The following CSMD3 variants were observed in gnomAD, a reference collection of about 807,000 sequenced individuals.
CSMD3 encodes the protein CUB and sushi domain-containing protein 3.
CSMD3 carries 177 observed loss-of-function variants against 435.2 expected under a neutral mutation model. The ratio of observed to expected loss-of-function variants is 0.41; its 90% CI spans 0.36 to 0.46. The LOEUF (loss-of-function observed/expected upper bound fraction) is 0.46. Ranked by LOEUF, CSMD3 falls within the 20% of genes least tolerant of loss-of-function variation. The pLI is 0.34. For missense variants in CSMD3, 4,265 were observed against 4,504.6 expected (o/e 0.95, Z 1.52); for synonymous variants, 1,656 against 1,520.5 (o/e 1.09, Z -2.07).
chr8:113,071,400 C>A (rs958573069), intron 5 of CSMD3, among the ~76,000 whole-genome samples: 7 of 151,790 alleles, frequency 4.6e-5, no homozygotes, highest in African/African-American at 1.7e-4. Context: ...TTGCACATAT[C>A]GAAGTCAAGA....
intron 36 of CSMD3, among the ~76,000 whole-genome samples, chr8:112,386,310 A>T (rs1402079400): frequency 6.6e-6 from 1 of 152,190 alleles, no homozygotes; most frequent in African/African-American, 2.4e-5. Flanking sequence ...AGCCAGAGAG[A>T]TGTAATATAA....
intron 27 of CSMD3, among the ~76,000 whole-genome samples, chr8:112,523,215 G>A (rs1051613594): frequency 1.2e-4 from 18 of 151,968 alleles, no homozygotes; most frequent in Non-Finnish European, 1.3e-4. Context: ...TTAGTGTACC[G>A]TATTAAGAAA....
chr8:112,238,155 G>C (rs925343732), intron 66 of CSMD3, among the ~76,000 whole-genome samples: 1 of 151,906 alleles, frequency 6.6e-6, no homozygotes, highest in Non-Finnish European at 1.5e-5. Flanking sequence ...GAGAAGCTGA[G>C]GTATAGGATT....
chr8:112,232,164 G>A (rs551657988), intron 68 of CSMD3, among the ~76,000 whole-genome samples: 2 of 152,164 alleles, frequency 1.3e-5, no homozygotes, highest in East Asian at 1.9e-4. Flanking sequence ...AGCCACAAAA[G>A]GCCACATACT....
chr8:113,122,347 G>A (rs1588113870), intron 4 of CSMD3, among the ~76,000 whole-genome samples: 1 of 152,086 alleles, frequency 6.6e-6, no homozygotes, highest in East Asian at 1.9e-4. Flanking sequence ...GATAAATAGT[G>A]TGAACAATGT....
chr8:112,546,933 G>C (rs1827235197), intron 27 of CSMD3, among the ~76,000 whole-genome samples: 1 of 152,170 alleles, frequency 6.6e-6, no homozygotes, highest in South Asian at 2.1e-4. Context: ...AATTTACTTT[G>C]CACCAAGTTT....
chr8:113,383,299 C>T (rs533705533), intron 1 of CSMD3, among the ~76,000 whole-genome samples: 3 of 152,206 alleles, frequency 2.0e-5, no homozygotes, highest in African/African-American at 7.2e-5. Flanking sequence ...GTTACCTGTG[C>T]AAATCTGTGC....
chr8:113,234,963 T>A (rs1414363219), intron 3 of CSMD3, among the ~76,000 whole-genome samples: 1 of 152,094 alleles, frequency 6.6e-6, no homozygotes, highest in African/African-American at 2.4e-5. Context: ...GTGGTATTCA[T>A]CTGCTCTATG....
At chr8:112,477,387 A>G (rs1028174504) in intron 31 of CSMD3, among the ~76,000 whole-genome samples, 1 of 152,196 alleles carries the variant, frequency 6.6e-6, no homozygotes, top group Non-Finnish European at 1.5e-5. Context: ...CATGTCTAAT[A>G]CCAAGCCCAT....
In CSMD3 at chr8:112,829,666, A is replaced by G; in HGVS notation, c.1859+20T>C. 2 of 1,480,680 alleles carry G rather than the reference A, an allele frequency of 1.4e-6. No homozygotes were observed. Among genetic ancestry groups the G allele is most frequent in the Non-Finnish European group, 1.9e-6 (2 of 1,058,244 alleles). 91.7% of individuals were successfully genotyped at this position (1,480,680 alleles called of 1,614,324 possible). On this transcript the variant is annotated intron_variant, in intron 12 of 70. Transcript: ENST00000297405. ...TAGTACCCGATAGGCTAAGGCAAAA[A>G]TGAAACATTGGGAACTTACACTTGG...
At chr8:113,276,373 C>A (rs1468529241) in intron 3 of CSMD3, among the ~76,000 whole-genome samples, 1 of 151,966 alleles carries the variant, frequency 6.6e-6, no homozygotes, top group African/African-American at 2.4e-5. Context: ...CAGACAGATA[C>A]ATCAGAGGGG....
intron 4 of CSMD3, among the ~76,000 whole-genome samples, chr8:113,153,076 AAAAGAAAG>A (rs757748243): frequency 5.6e-5 from 5 of 89,182 alleles, no homozygotes; most frequent in Non-Finnish European, 9.9e-5. Flanking sequence ...AAAAGAAAGA[AAAAGAAAG>A]AAAGAAAGAA....
intron 35 of CSMD3, among the ~76,000 whole-genome samples, chr8:112,392,134 C>T (rs978301321): frequency 6.6e-6 from 1 of 151,976 alleles, no homozygotes. Flanking sequence ...ATTATATTTC[C>T]TTTTGCTACA....
chr8:112,298,367 A>G (rs1358056044), intron 53 of CSMD3, among the ~76,000 whole-genome samples: 1 of 152,148 alleles, frequency 6.6e-6, no homozygotes, highest in African/African-American at 2.4e-5. Context: ...AAGTGCAAGT[A>G]AAAAAGCTCC....
intron 4 of CSMD3, among the ~76,000 whole-genome samples, chr8:113,137,348 A>G (rs1387620042): frequency 6.6e-6 from 1 of 151,732 alleles, no homozygotes; most frequent in Non-Finnish European, 1.5e-5. Flanking sequence ...CACTTAATAA[A>G]GACTATGTTA....
intron 32 of CSMD3, among the ~76,000 whole-genome samples, chr8:112,423,863 T>C (rs1812777715): frequency 6.6e-6 from 1 of 152,146 alleles, no homozygotes; most frequent in Non-Finnish European, 1.5e-5. Flanking sequence ...TATATATATA[T>C]ACATATGTAA....
chr8:112,834,828 C>T (rs1462170858), intron 11 of CSMD3, among the ~76,000 whole-genome samples: 1 of 151,674 alleles, frequency 6.6e-6, no homozygotes, highest in Non-Finnish European at 1.5e-5. Context: ...AAAAAGAATG[C>T]CATACATTTT....
intron 5 of CSMD3, among the ~76,000 whole-genome samples, chr8:113,038,849 T>C (rs2087474582): frequency 6.6e-6 from 1 of 152,190 alleles, no homozygotes; most frequent in Non-Finnish European, 1.5e-5. Context: ...ACGGTTATAG[T>C]CAGAAAATGA....
At chr8:113,392,536 A>G (rs1328744965) in intron 1 of CSMD3, among the ~76,000 whole-genome samples, 1 of 152,130 alleles carries the variant, frequency 6.6e-6, no homozygotes. Context: ...AAATGAGCAA[A>G]GAAAGCCTAA....
Sources: gnomAD v4.1 joint callset for allele counts (sites outside exome capture counted in the v4.1 genomes callset) on GRCh38, gnomAD v4.1.1 for gene constraint, MANE v1.5 for transcripts, NCBI Gene and HGNC (gene_info 2026-07-23, HGNC 2026-07-21) for gene names.